RAP1GDS1: variants seen among roughly 807,000 people sequenced by gnomAD.
RAP1GDS1 encodes the protein RAP1, GTP-GDP dissociation stimulator 1.
Under a neutral mutation model 71.1 loss-of-function variants are expected in RAP1GDS1, and 35 were observed. That is an observed-to-expected ratio of 0.49 (90% confidence interval 0.38 to 0.65). The LOEUF (loss-of-function observed/expected upper bound fraction) is 0.65. Among genes scored for constraint, RAP1GDS1 ranks in the 30% least tolerant of loss-of-function variants. The pLI, the probability that RAP1GDS1 is intolerant of heterozygous loss-of-function variation, is 0.00. For synonymous variants in RAP1GDS1, 229 were observed against 243.1 expected, an observed-to-expected ratio of 0.94 and a Z score of 0.54; for missense variants, 663 against 706.1, an observed-to-expected ratio of 0.94 and a Z score of 0.69.
chr4:98,386,505 A>G (rs1019657706), intron 5 of RAP1GDS1, among the ~76,000 whole-genome samples: 4 of 151,698 alleles, frequency 2.6e-5, no homozygotes, highest in African/African-American at 9.7e-5. Context: ...TTTATTTGTT[A>G]GCGACTAGGA....
At chr4:98,277,990 G>A (rs1724485903) in intron 1 of RAP1GDS1, among the ~76,000 whole-genome samples, 1 of 152,204 alleles carries the variant, frequency 6.6e-6, no homozygotes, top group African/African-American at 2.4e-5. Context: ...ACTTTGGGAG[G>A]CCAAGGCGGA....
chr4:98,352,335 A>G, intron 3 of RAP1GDS1, 141 bp from the exon 4 acceptor site: 1 of 823,962 alleles, frequency 1.2e-6, no homozygotes. Context: ...ACAGAAATGT[A>G]CTCTTCAAAT....
At chr4:98,367,227 G>T (rs143983729) in intron 4 of RAP1GDS1, among the ~76,000 whole-genome samples, 9,136 of 152,300 alleles carry the variant, frequency 0.06, 380 homozygotes, top group South Asian at 0.22. Context: ...GCTTCAGAGG[G>T]TGGAAGCCCC....
chr4:98,263,642 A>T (rs958678493), intron 1 of RAP1GDS1, among the ~76,000 whole-genome samples: 1 of 152,192 alleles, frequency 6.6e-6, no homozygotes, highest in Non-Finnish European at 1.5e-5. Context: ...AGAAGATGAA[A>T]AGTGTCTTAT....
At chr4:98,404,420 A>G in intron 6 of RAP1GDS1, 57 bp from the exon 7 acceptor site, 1 of 1,470,316 alleles carries the variant, frequency 6.8e-7, no homozygotes, top group Non-Finnish European at 9.2e-7. Context: ...TATTGAAAGT[A>G]TTAGAAAACA....
At chr4:98,323,793 A>G (rs998605215) in intron 2 of RAP1GDS1, among the ~76,000 whole-genome samples, 8 of 151,622 alleles carry the variant, frequency 5.3e-5, no homozygotes, top group African/African-American at 7.3e-5. Context: ...AGAGCTATCT[A>G]TGACAAACCC....
intron 3 of RAP1GDS1, among the ~76,000 whole-genome samples, chr4:98,349,049 A>G (rs555996715): frequency 3.0e-4 from 46 of 152,280 alleles, no homozygotes; most frequent in Non-Finnish European, 4.6e-4. Flanking sequence ...GCCCATGCCT[A>G]TGTCCTGAAT....
At chr4:98,398,145 G>T (rs1449488952) in intron 6 of RAP1GDS1, among the ~76,000 whole-genome samples, 1 of 151,584 alleles carries the variant, frequency 6.6e-6, no homozygotes, top group East Asian at 1.9e-4. Flanking sequence ...CTTTTCTTAA[G>T]GAGAACAGAA....
At chr4:98,269,173 C>CAA (rs56015226) in intron 1 of RAP1GDS1, among the ~76,000 whole-genome samples, 714 of 56,822 alleles carry the variant, frequency 0.013, 25 homozygotes, top group African/African-American at 0.042. Flanking sequence ...AATTGATCTT[C>CAA]AAAAAAAAAA....
chr4:98,308,297 CTATATATATATATA>C (rs779815305), intron 2 of RAP1GDS1, among the ~76,000 whole-genome samples: 20 of 73,200 alleles, frequency 2.7e-4, no homozygotes, highest in East Asian at 1.2e-3. Flanking sequence ...CACACACACA[CTATATATATATATA>C]TATATATATA....
chr4:98,370,493 C>G (rs1463963481), intron 4 of RAP1GDS1, among the ~76,000 whole-genome samples: 1 of 151,760 alleles, frequency 6.6e-6, no homozygotes, highest in Non-Finnish European at 1.5e-5. Context: ...CCTTTTTTCT[C>G]CAGTCATTCC....
chr4:98,335,017 G>A (rs1331605797), intron 2 of RAP1GDS1, among the ~76,000 whole-genome samples: 2 of 151,400 alleles, frequency 1.3e-5, no homozygotes, highest in Non-Finnish European at 2.9e-5. Flanking sequence ...TTTGAATAAT[G>A]ACTGTTTGAG....
chr4:98,442,334 G>A lies in RAP1GDS1; in HGVS notation c.*217G>A, dbSNP rs890478272. On this transcript the variant is annotated 3_prime_UTR_variant, in exon 15 of 15. Transcript: ENST00000408927. The stretch of plus-strand genomic sequence containing the variant: ...CAAAGGCAAGTCTCCACCCATAACC[G>A]TTCTCTTGTATTCCTGTTGCTTGAG... The A allele has an allele frequency of 4.0e-6, 2 of 505,906 alleles. No homozygotes were observed. The highest frequency in any genetic ancestry group is 3.3e-6 in the Non-Finnish European group (1 of 304,182). 31.3% of individuals were successfully genotyped at this position (505,906 alleles called of 1,614,324 possible).
At chr4:98,270,688 T>C (rs1202479041) in intron 1 of RAP1GDS1, among the ~76,000 whole-genome samples, 3 of 152,050 alleles carry the variant, frequency 2.0e-5, no homozygotes, top group African/African-American at 7.2e-5. Flanking sequence ...TTGAATAACA[T>C]GGATTTGAAC....
chr4:98,363,381 G>A (rs906090917), intron 4 of RAP1GDS1, among the ~76,000 whole-genome samples: 2 of 150,486 alleles, frequency 1.3e-5, no homozygotes, highest in Admixed American at 1.3e-4. Context: ...CTACTCTGGA[G>A]GCTGAGGTGG....
intron 5 of RAP1GDS1, among the ~76,000 whole-genome samples, chr4:98,385,457 A>G (rs1442844047): frequency 2.6e-5 from 4 of 151,822 alleles, no homozygotes; most frequent in Admixed American, 2.6e-4. Flanking sequence ...AATCAGAGGT[A>G]AATAATAGGT....
intron 5 of RAP1GDS1, among the ~76,000 whole-genome samples, chr4:98,380,200 G>A (rs1362314262): frequency 6.6e-6 from 1 of 151,582 alleles, no homozygotes; most frequent in East Asian, 1.9e-4. Context: ...TTGTCCTATT[G>A]AAAGGGGAAA....
At chr4:98,412,965 G>A (rs1747292676) in intron 7 of RAP1GDS1, among the ~76,000 whole-genome samples, 1 of 152,028 alleles carries the variant, frequency 6.6e-6, no homozygotes, top group African/African-American at 2.4e-5. Context: ...TTACTGATGA[G>A]GGTCTATGTT....
intron 2 of RAP1GDS1, among the ~76,000 whole-genome samples, chr4:98,308,525 C>T (rs748578875): frequency 4.0e-4 from 60 of 149,532 alleles, no homozygotes; most frequent in Non-Finnish European, 7.1e-4. Flanking sequence ...TTTTAAACCA[C>T]AAATTTTTTG....
Sources: gnomAD v4.1 joint callset for allele counts (sites outside exome capture counted in the v4.1 genomes callset) on GRCh38, gnomAD v4.1.1 for gene constraint, MANE v1.5 for transcripts, NCBI Gene and HGNC (gene_info 2026-07-23, HGNC 2026-07-21) for gene names.